CAPS2: variants seen among roughly 807,000 people sequenced by gnomAD.
CAPS2 encodes the protein calcyphosine 2.
Under a neutral mutation model 86.5 loss-of-function variants are expected in CAPS2, and 98 were observed. That is an observed-to-expected ratio of 1.13 (90% CI 0.96 to 1.34). The LOEUF (loss-of-function observed/expected upper bound fraction) is 1.34. CAPS2 is among the 40% of genes most tolerant of loss of function. The pLI, the probability that CAPS2 is intolerant of heterozygous loss-of-function variation, is 0.00. For synonymous variants in CAPS2, 210 were observed against 225.1 expected (o/e 0.93, Z 0.60); for missense variants, 729 against 686.8 (o/e 1.06, Z -0.69).
chr12:75,386,696 T>C (rs2045311083), intron 1 of CAPS2, among the ~76,000 whole-genome samples: 1 of 152,158 alleles, frequency 6.6e-6, no homozygotes, highest in South Asian at 2.1e-4. Flanking sequence ...AAAGGTATAG[T>C]ATTGGTGAAA....
At chr12:75,372,534 T>A (rs1387896083) in intron 1 of CAPS2, among the ~76,000 whole-genome samples, 2 of 152,028 alleles carry the variant, frequency 1.3e-5, no homozygotes, top group Non-Finnish European at 2.9e-5. Context: ...GAAGCAAAAA[T>A]TTTGCTAGTG....
intron 7 of CAPS2, among the ~76,000 whole-genome samples, chr12:75,308,819 T>A (rs7965217): frequency 0.019 from 2,543 of 130,458 alleles, 65 homozygotes; most frequent in African/African-American, 0.062. Flanking sequence ...AAAGTGAGAT[T>A]AAAAAAAATG....
chr12:75,363,630 T>A (rs982049114), intron 1 of CAPS2, among the ~76,000 whole-genome samples: 2 of 152,168 alleles, frequency 1.3e-5, no homozygotes, highest in South Asian at 4.1e-4. Flanking sequence ...ATAAATATGC[T>A]TTTTAAGACT....
chr12:75,310,431 G>A (rs1424928520), intron 7 of CAPS2, among the ~76,000 whole-genome samples: 1 of 152,082 alleles, frequency 6.6e-6, no homozygotes, highest in Non-Finnish European at 1.5e-5. Context: ...CAAGAAGAGG[G>A]GAAAATAAAT....
At chr12:75,342,293 C>A (rs956237306) in intron 1 of CAPS2, among the ~76,000 whole-genome samples, 3 of 152,112 alleles carry the variant, frequency 2.0e-5, no homozygotes, top group Non-Finnish European at 4.4e-5. Context: ...CTGTTGAAAT[C>A]TTTAAAAGGT....
At chr12:75,341,747 CTTTTTTTTTTT>C in intron 1 of CAPS2, among the ~76,000 whole-genome samples, 1 of 83,406 alleles carries the variant, frequency 1.2e-5, no homozygotes, top group South Asian at 3.7e-4. Flanking sequence ...CGCCCGGCCT[CTTTTTTTTTTT>C]TTTTTTTTTT....
intron 1 of CAPS2, among the ~76,000 whole-genome samples, chr12:75,375,967 C>T (rs918247952): frequency 2.6e-5 from 4 of 152,192 alleles, no homozygotes; most frequent in African/African-American, 4.8e-5. Context: ...GATGCAGGTA[C>T]TCCCCTCACA....
intron 7 of CAPS2, among the ~76,000 whole-genome samples, chr12:75,310,528 A>T (rs903509738): frequency 3.9e-5 from 6 of 152,156 alleles, no homozygotes; most frequent in African/African-American, 1.4e-4. Context: ...TAAGAGGGAG[A>T]GAAGTCCAAG....
At chr12:75,282,562 T>C (rs931107978) in intron 15 of CAPS2, among the ~76,000 whole-genome samples, 2 of 152,144 alleles carry the variant, frequency 1.3e-5, no homozygotes, top group Non-Finnish European at 2.9e-5. Context: ...ATTTTTTGTA[T>C]TTTTAGTAGA....
intron 1 of CAPS2, among the ~76,000 whole-genome samples, chr12:75,388,046 C>A (rs950309238): frequency 3.3e-5 from 5 of 152,196 alleles, no homozygotes; most frequent in Admixed American, 3.3e-4. Flanking sequence ...CAAATCTTAC[C>A]CTGAATTGTA....
intron 5 of CAPS2, 137 bp from the exon 6 acceptor site, chr12:75,316,571 A>C: frequency 1.2e-6 from 1 of 829,864 alleles, no homozygotes; most frequent in Admixed American, 3.9e-5. Flanking sequence ...TCTGAAAATC[A>C]GATTGCTTAT....
intron 1 of CAPS2, chr12:75,364,943 T>TGGTTA (rs1412460689): frequency 2.6e-5 from 4 of 152,202 alleles, no homozygotes; most frequent in African/African-American, 9.6e-5. Flanking sequence ...AAATTATTTA[T>TGGTTA]GGTTAGAATG....
intron 1 of CAPS2, among the ~76,000 whole-genome samples, chr12:75,336,897 CAG>C (rs1461163758): frequency 6.6e-6 from 1 of 151,446 alleles, no homozygotes; most frequent in Non-Finnish European, 1.5e-5. Context: ...AATAAATTAA[CAG>C]TATTTGAAAT....
chr12:75,306,291 G>C (rs1264043918), intron 7 of CAPS2: 2 of 603,380 alleles, frequency 3.3e-6, no homozygotes, highest in Admixed American at 2.6e-5. Context: ...GGAAGCTATG[G>C]AGGAGGCCAG....
At chr12:75,332,987 G>C (rs888441920), upstream of CAPS2, among the ~76,000 whole-genome samples, 1 of 152,190 alleles carries the variant, frequency 6.6e-6, no homozygotes, top group African/African-American at 2.4e-5. Context: ...ATGCTGAGGA[G>C]AGAGCATCCT....
At chr12:75,374,902 C>A (rs2044570020) in intron 1 of CAPS2, among the ~76,000 whole-genome samples, 1 of 152,128 alleles carries the variant, frequency 6.6e-6, no homozygotes, top group Non-Finnish European at 1.5e-5. Context: ...TTGGTTAAGC[C>A]TAGGATAATT....
At position 75,288,983 on chromosome 12, in the gene CAPS2, G is replaced by C. The variant is rs11180444; in HGVS notation, c.1395+638C>G. Reference sequence around the variant, plus strand: ...CAGGGTAATGCTCTTGACAGAGAAAGCTGTGGCCTGAATACTAAGAAAACC... The same window carrying C: ...CAGGGTAATGCTCTTGACAGAGAAACCTGTGGCCTGAATACTAAGAAAACC... On this transcript the variant is annotated intron_variant, in intron 14 of 16. Coordinates refer to ENST00000393284, the Ensembl canonical transcript of CAPS2. Among the ~76,000 whole-genome samples the C allele has an allele frequency of 9.6e-3, 1,466 of 152,296 alleles. 39 individuals carry two copies. The highest frequency in any genetic ancestry group is 0.04 in the East Asian group (208 of 5,178).
downstream of CAPS2, chr12:75,276,337 C>T: frequency 6.8e-7 from 1 of 1,470,702 alleles, no homozygotes; most frequent in Non-Finnish European, 9.0e-7. Flanking sequence ...ACATAATCTG[C>T]AGTAAACATA....
intron 7 of CAPS2, among the ~76,000 whole-genome samples, chr12:75,309,482 C>T (rs2138750065): frequency 6.6e-6 from 1 of 152,324 alleles, no homozygotes; most frequent in East Asian, 1.9e-4. Flanking sequence ...TTTTAACAAT[C>T]TTGCCCTCTC....
Sources: allele counts gnomAD v4.1 joint callset (sites outside exome capture counted in the v4.1 genomes callset), GRCh38; gene constraint gnomAD v4.1.1; transcripts MANE v1.5; gene names NCBI Gene and HGNC (gene_info 2026-07-23, HGNC 2026-07-21).